The following GRIK4 variants were observed in gnomAD, a reference collection of about 807,000 sequenced individuals.
The protein encoded by GRIK4 is glutamate ionotropic receptor kainate type subunit 4, also known as glutamate receptor ionotropic, kainate 4.
Under a neutral mutation model 104.9 loss-of-function variants are expected in GRIK4, and 40 were observed. The observed-to-expected ratio is 0.38, with a 90% confidence interval of 0.30 to 0.50. The LOEUF (loss-of-function observed/expected upper bound fraction) is 0.50, where lower values mean the gene tolerates loss of function less well. GRIK4 is among the 20% of genes least tolerant of loss of function. The probability of loss-of-function intolerance (pLI) is 0.93; values close to 1 mark genes in which losing one functional copy is unlikely to be tolerated. For missense variants in GRIK4, 1,047 were observed against 1,308.1 expected (o/e 0.80, Z 3.08); for synonymous variants, 485 against 524.9 (o/e 0.92, Z 1.04).
At chr11:120,654,211 A>G (rs924299522) in intron 2 of GRIK4, among the ~76,000 whole-genome samples, 15 of 152,184 alleles carry the variant, frequency 9.9e-5, no homozygotes, top group African/African-American at 3.6e-4. Flanking sequence ...CACATACTTC[A>G]ATTTGAACCC....
intron 3 of GRIK4, among the ~76,000 whole-genome samples, chr11:120,795,392 C>T (rs1205525241): frequency 2.0e-5 from 3 of 152,188 alleles, no homozygotes; most frequent in Admixed American, 6.5e-5. Flanking sequence ...GCGGGTCATC[C>T]ACCCTGCGGA....
intron 3 of GRIK4, among the ~76,000 whole-genome samples, chr11:120,794,990 G>A (rs1021077994): frequency 6.6e-6 from 1 of 152,106 alleles, no homozygotes; most frequent in Admixed American, 6.5e-5. Context: ...GGGATGGGCT[G>A]TAGCTGGGCC....
chr11:120,694,829 G>A (rs1242165705), intron 3 of GRIK4, among the ~76,000 whole-genome samples: 1 of 152,084 alleles, frequency 6.6e-6, no homozygotes, highest in Non-Finnish European at 1.5e-5. Context: ...CCTTTAATTT[G>A]CTTCCCTTTA....
intron 3 of GRIK4, among the ~76,000 whole-genome samples, chr11:120,665,487 G>C (rs185962371): frequency 6.6e-6 from 1 of 152,186 alleles, no homozygotes; most frequent in East Asian, 1.9e-4. Flanking sequence ...GCACCTTAGG[G>C]AGGCTGTGTC....
rs1306835860 is a variant in GRIK4 at position 120,988,183 on chromosome 11, T to C, written c.*1923T>C. 1 of 152,176 alleles carries C rather than the reference T, an allele frequency of 6.6e-6. No homozygotes were observed. Among genetic ancestry groups the C allele is most frequent in the Admixed American group, 6.5e-5 (1 of 15,276 alleles). 9.4% of individuals were successfully genotyped at this position (152,176 alleles called of 1,614,324 possible). ...TGACCTCACTCATGAATTTGAATCC[T>C]TTATCTTTTTTCTCTTTAACCATCA... On this transcript the variant is annotated 3_prime_UTR_variant, in exon 21 of 21. Coordinates refer to ENST00000527524, the MANE Select transcript of GRIK4 (RefSeq NM_014619.5).
intron 3 of GRIK4, among the ~76,000 whole-genome samples, chr11:120,780,546 G>C (rs1288151295): frequency 6.6e-6 from 1 of 152,162 alleles, no homozygotes; most frequent in Admixed American, 6.5e-5. Flanking sequence ...CACTTGGGTT[G>C]CTTTCACCTT....
chr11:120,596,455 G>A (rs1039611466), intron 1 of GRIK4, among the ~76,000 whole-genome samples: 3 of 152,188 alleles, frequency 2.0e-5, no homozygotes, highest in Non-Finnish European at 4.4e-5. Context: ...GTTAGGGAGC[G>A]CTTCAGAGAG....
At chr11:120,749,902 G>A (rs1951517035) in intron 3 of GRIK4, among the ~76,000 whole-genome samples, 1 of 152,126 alleles carries the variant, frequency 6.6e-6, no homozygotes, top group South Asian at 2.1e-4. Context: ...TCTGGCAGTG[G>A]GTCCTGAGTT....
chr11:120,898,740 A>G (rs898204322), intron 12 of GRIK4, 101 bp downstream of exon 12: 2 of 703,146 alleles, frequency 2.8e-6, no homozygotes, highest in Admixed American at 2.2e-5. Context: ...GGGAGCTCTA[A>G]TCACAGCACT....
Position 120,940,603 on chromosome 11 carries a change from A to T in GRIK4, c.1590+143A>T, listed in dbSNP as rs972286821. ...AATGTGCTGGGCTATTTTTTCTCCTATCATCTGCACGAACTTGCAAACTGA... is the reference window on the plus strand; with the variant it reads ...AATGTGCTGGGCTATTTTTTCTCCTTTCATCTGCACGAACTTGCAAACTGA... On this transcript the variant is annotated intron_variant, in intron 14 of 20. Transcript: ENST00000527524. This position sits in a 1 kb window ranked among gnomAD's most constrained non-coding sequence, Gnocchi z 4.3. The T allele has an allele frequency of 1.6e-6, 1 of 611,078 alleles. No individual in the cohort carries two copies. Among genetic ancestry groups the T allele is most frequent in the Non-Finnish European group, 2.9e-6 (1 of 350,272 alleles). The allele number at this position is 611,078 out of a possible 1,614,324, so 37.9% of individuals were successfully genotyped here. A position where few individuals can be genotyped will look rare whatever the true frequency, so the allele number is the denominator to read the frequency against.
chr11:120,885,959 A>G (rs1390162866), intron 11 of GRIK4, among the ~76,000 whole-genome samples: 1 of 152,214 alleles, frequency 6.6e-6, no homozygotes, highest in Non-Finnish European at 1.5e-5. Context: ...AGGAGTGGTG[A>G]GGGCTAGACC....
chr11:120,918,051 C>T (rs1469878779), intron 13 of GRIK4, among the ~76,000 whole-genome samples: 2 of 152,186 alleles, frequency 1.3e-5, no homozygotes, highest in African/African-American at 2.4e-5. Context: ...TCTCTAGTCT[C>T]GATTCCCCAG....
chr11:120,617,084 A>G (rs1949126960), intron 1 of GRIK4, among the ~76,000 whole-genome samples: 1 of 152,204 alleles, frequency 6.6e-6, no homozygotes, highest in African/African-American at 2.4e-5. Flanking sequence ...GAATGTTGGC[A>G]AAGTGTTACG....
At chr11:120,864,507 T>TG (rs1954353163) in intron 9 of GRIK4, among the ~76,000 whole-genome samples, 1 of 152,200 alleles carries the variant, frequency 6.6e-6, no homozygotes, top group Non-Finnish European at 1.5e-5. Context: ...CCCAAAGTGC[T>TG]GGGATTACAG....
intron 3 of GRIK4, among the ~76,000 whole-genome samples, chr11:120,743,014 T>C (rs569588656): frequency 6.6e-6 from 1 of 152,236 alleles, no homozygotes; most frequent in African/African-American, 2.4e-5. Flanking sequence ...AGGTGGATCA[T>C]GAGGTCAGGA....
At chr11:120,716,080 G>A (rs931117080) in intron 3 of GRIK4, among the ~76,000 whole-genome samples, 2 of 152,052 alleles carry the variant, frequency 1.3e-5, no homozygotes, top group African/African-American at 4.8e-5. Flanking sequence ...TGCAGGGAGG[G>A]TACGGAGCCT....
chr11:120,539,546 C>T (rs531463996), intron 1 of GRIK4, among the ~76,000 whole-genome samples: 2 of 152,302 alleles, frequency 1.3e-5, no homozygotes, highest in Admixed American at 6.5e-5. Context: ...ATGTGGCCAT[C>T]GGCTGTGAAG....
At position 120,549,381 on chromosome 11, in the gene GRIK4, T is replaced by A. The variant is rs1186325740; in HGVS notation, c.-159+37494T>A. 6.6e-6 allele frequency among the ~76,000 whole-genome samples: 1 copy of A among 152,152 alleles called. No individual in the cohort carries two copies. The highest frequency in any genetic ancestry group is 1.5e-5 in the Non-Finnish European group (1 of 68,020). ...TTGGACTCCCAAAGTGCTGGAATTA[T>A]AGGCGTGAGCCACCGCGCCCGGCCT... On this transcript the variant is annotated intron_variant, in intron 1 of 20. Transcript: ENST00000527524. The surrounding 1 kb of genome is among the most constrained non-coding windows in gnomAD (Gnocchi z 4.7).
chr11:120,655,717 A>G (rs917112122), intron 2 of GRIK4, among the ~76,000 whole-genome samples: 3 of 152,108 alleles, frequency 2.0e-5, no homozygotes, highest in African/African-American at 7.2e-5. Context: ...CGCTGTCAGG[A>G]TCTGGGGACT....
Sources: gnomAD v4.1 joint callset for allele counts (sites outside exome capture counted in the v4.1 genomes callset) on GRCh38, gnomAD v4.1.1 for gene constraint, Gnocchi (gnomAD v3.1) non-coding constraint, MANE v1.5 for transcripts, NCBI Gene and HGNC (gene_info 2026-07-23, HGNC 2026-07-21) for gene names.